NDFIP1: variants seen among roughly 807,000 people sequenced by gnomAD.
NDFIP1 encodes Nedd4 family interacting protein 1.
Under a neutral mutation model 28.8 loss-of-function variants are expected in NDFIP1, and 7 were observed. The ratio of observed to expected loss-of-function variants is 0.24; its 90% confidence interval spans 0.14 to 0.46. The LOEUF is 0.46. Among genes scored for constraint, NDFIP1 ranks in the 20% least tolerant of loss-of-function variants. NDFIP1 has a pLI of 0.99. For missense variants in NDFIP1, 194 were observed against 269.1 expected (o/e 0.72, Z 1.95); for synonymous variants, 92 against 101.0 (o/e 0.91, Z 0.53).
chr5:142,119,565 T>C (rs915113308), intron 1 of NDFIP1, among the ~76,000 whole-genome samples: 1 of 152,240 alleles, frequency 6.6e-6, no homozygotes, highest in Admixed American at 6.5e-5. Flanking sequence ...GATTCTTTCT[T>C]TGTGCTATCA....
At chr5:142,128,267 G>A (rs1010157358) in intron 1 of NDFIP1, among the ~76,000 whole-genome samples, 4 of 152,138 alleles carry the variant, frequency 2.6e-5, no homozygotes, top group Admixed American at 2.0e-4. Context: ...TGACAATGCC[G>A]CGTATTCTTT....
intron 7 of NDFIP1, among the ~76,000 whole-genome samples, chr5:142,150,293 T>C (rs910721222): frequency 6.6e-6 from 1 of 151,952 alleles, no homozygotes; most frequent in Non-Finnish European, 1.5e-5. Flanking sequence ...GCCAATTTTC[T>C]TTTTTGCTTC....
intron 1 of NDFIP1, among the ~76,000 whole-genome samples, chr5:142,121,936 G>C (rs1334734632): frequency 6.6e-6 from 1 of 152,172 alleles, no homozygotes; most frequent in African/African-American, 2.4e-5. Flanking sequence ...GTAAGTGCTG[G>C]GGTGAACGCA....
At chr5:142,124,719 G>A (rs1757153171) in intron 1 of NDFIP1, among the ~76,000 whole-genome samples, 1 of 152,132 alleles carries the variant, frequency 6.6e-6, no homozygotes, top group Non-Finnish European at 1.5e-5. Flanking sequence ...GCTATTGAGA[G>A]GATTTTCATT....
intron 1 of NDFIP1, among the ~76,000 whole-genome samples, chr5:142,127,075 G>GTACCAT: frequency 2.0e-5 from 3 of 152,102 alleles, no homozygotes; most frequent in Admixed American, 1.3e-4. Context: ...AAGTGCAGTG[G>GTACCAT]CTTGATCTCA....
At position 142,152,825 on chromosome 5, in the gene NDFIP1, G is replaced by A. The variant is rs1170458946; in HGVS notation, c.*1097G>A. ...ATTTCTTGGCTTGCATTTGTTGATT[G>A]CTAAGGCAATTTTTTCTAATCTTAG... On this transcript the variant is annotated 3_prime_UTR_variant, in exon 8 of 8. Transcript: ENST00000253814. The A allele has an allele frequency of 6.1e-6, 1 of 163,900 alleles. No homozygotes were observed. The highest frequency in any genetic ancestry group is 2.4e-5 in the African/African-American group (1 of 41,474). The allele number at this position is 163,900 out of a possible 1,614,324, so 10.2% of individuals were successfully genotyped here. A position where few individuals can be genotyped will look rare whatever the true frequency, so the allele number is the denominator to read the frequency against.
At position 142,135,718 on chromosome 5, in the gene NDFIP1, C is replaced by G. The variant is rs563530694; in HGVS notation, c.283-12C>G. 6.2e-7 allele frequency: 1 copy of G among 1,609,238 alleles called. No homozygotes were observed. Among genetic ancestry groups the G allele is most frequent in the East Asian group, 2.2e-5 (1 of 44,794 alleles). ...CCTTTGCCTAGAAATAATTCTTTTT[C>G]TTTTCATTTAGGATGAGGATTTTGT... On this transcript the variant is annotated splice_polypyrimidine_tract_variant and intron_variant, in intron 3 of 7. Transcript: ENST00000253814.
At chr5:142,121,909 T>C (rs777860004) in intron 1 of NDFIP1, among the ~76,000 whole-genome samples, 2 of 152,224 alleles carry the variant, frequency 1.3e-5, no homozygotes, top group African/African-American at 2.4e-5. Context: ...AATGTATCCA[T>C]GCTGTGCCAC....
chr5:142,111,153 C>T (rs1757010707), intron 1 of NDFIP1, among the ~76,000 whole-genome samples: 1 of 151,644 alleles, frequency 6.6e-6, no homozygotes, highest in Non-Finnish European at 1.5e-5. Context: ...CTTGCACATA[C>T]TTTTGCACGT....
At chr5:142,111,690 A>T (rs145218176) in intron 1 of NDFIP1, among the ~76,000 whole-genome samples, 1 of 152,238 alleles carries the variant, frequency 6.6e-6, no homozygotes, top group African/African-American at 2.4e-5. Flanking sequence ...ATAAATGCAA[A>T]CACAGTTTTG....
chr5:142,145,894 A>G (rs1757383634), intron 7 of NDFIP1, among the ~76,000 whole-genome samples: 1 of 152,198 alleles, frequency 6.6e-6, no homozygotes, highest in Admixed American at 6.5e-5. Context: ...GCAATCATAT[A>G]CTAATCGTGA....
At position 142,108,862 on chromosome 5, in the gene NDFIP1, G is replaced by C; in HGVS notation, c.-113G>C. 1.1e-6 allele frequency: 1 copy of C among 933,996 alleles called. No individual in the cohort carries two copies. Among genetic ancestry groups the C allele is most frequent in the Non-Finnish European group, 1.4e-6 (1 of 696,298 alleles). The allele number at this position is 933,996 out of a possible 1,614,324, so 57.9% of individuals were successfully genotyped here. ...TCGCCCGGGAGCGGCGGCGGCCATC[G>C]AGACCCACCCAAGGCGCGTCCCCCT... On this transcript the variant is annotated 5_prime_UTR_variant, in exon 1 of 8. Coordinates refer to ENST00000253814, the MANE Select transcript of NDFIP1 (RefSeq NM_030571.4).
Position 142,132,276 on chromosome 5 carries a change from A to T in NDFIP1, c.216A>T (p.Thr72=). The T allele has an allele frequency of 6.2e-7, 1 of 1,614,160 alleles. No individual in the cohort carries two copies. The highest frequency in any genetic ancestry group is 8.5e-7 in the Non-Finnish European group (1 of 1,179,990). ...PKPPSYNVAT[T]LPSYDEAERT... ...CCCCATCTTACAATGTAGCTACAAC[A>T]CTGCCCAGTTATGATGAAGCGGAGA... The change falls in exon 3 of 8, where the codon ACA becomes ACT. Residue 72 remains threonine, a synonymous_variant. Coordinates refer to ENST00000253814, the MANE Select transcript of NDFIP1 (RefSeq NM_030571.4).
At position 142,141,403 on chromosome 5, in the gene NDFIP1, C is replaced by G. The variant is rs182330719; in HGVS notation, c.562+774C>G. Reference sequence around the variant, plus strand: ...GTGTTGGCCAGGATGGTCTCGATCTCCTGACTTTGTGATCCGCCCGCCTCG... The same window carrying G: ...GTGTTGGCCAGGATGGTCTCGATCTGCTGACTTTGTGATCCGCCCGCCTCG... On this transcript the variant is annotated intron_variant, in intron 6 of 7. Transcript: ENST00000253814. 9.8e-3 allele frequency among the ~76,000 whole-genome samples: 1,496 copies of G among 151,916 alleles called. 24 individuals are homozygous for G. The highest frequency in any genetic ancestry group is 0.035 in the African/African-American group (1,430 of 41,436).
chr5:142,140,009 G>T (rs571623305), intron 5 of NDFIP1, among the ~76,000 whole-genome samples: 40 of 152,174 alleles, frequency 2.6e-4, no homozygotes, highest in African/African-American at 8.9e-4. Context: ...AGTTAATAAA[G>T]CTAAAAGCTG....
intron 6 of NDFIP1, 88 bp from the exon 7 acceptor site, chr5:142,144,483 A>G (rs1410115045): frequency 2.2e-6 from 2 of 909,700 alleles, no homozygotes; most frequent in Admixed American, 2.2e-5. Flanking sequence ...AAAAATAACA[A>G]TGTATCGCTA....
At chr5:142,123,192 A>T (rs1757137741) in intron 1 of NDFIP1, among the ~76,000 whole-genome samples, 1 of 152,096 alleles carries the variant, frequency 6.6e-6, no homozygotes, top group African/African-American at 2.4e-5. Flanking sequence ...CAAACTCCTG[A>T]TCTCAAGTGA....
Position 142,153,043 on chromosome 5 carries a change from A to G in NDFIP1, c.*1315A>G, listed in dbSNP as rs1757464080. 1 of 340,918 alleles carries G rather than the reference A, an allele frequency of 2.9e-6. No homozygotes were observed. The highest frequency in any genetic ancestry group is 4.0e-5 in the Admixed American group (1 of 24,898). The allele number at this position is 340,918 out of a possible 1,614,324, so 21.1% of individuals were successfully genotyped here. A position where few individuals can be genotyped will look rare whatever the true frequency, so the allele number is the denominator to read the frequency against. ...GATCTTAAATCATTCTGGAATTCCTAATTATGCTTCAATTTTTAGACATAA... is the reference window on the plus strand; with the variant it reads ...GATCTTAAATCATTCTGGAATTCCTGATTATGCTTCAATTTTTAGACATAA... On this transcript the variant is annotated 3_prime_UTR_variant, in exon 8 of 8. Coordinates refer to ENST00000253814, the MANE Select transcript of NDFIP1 (RefSeq NM_030571.4).
chr5:142,119,930 TTGA>T (rs1757105879), intron 1 of NDFIP1, among the ~76,000 whole-genome samples: 1 of 152,246 alleles, frequency 6.6e-6, no homozygotes, highest in Non-Finnish European at 1.5e-5. Context: ...GAATTCAGTG[TTGA>T]TTTAGCTACT....
Sources: gnomAD v4.1 joint callset for allele counts (sites outside exome capture counted in the v4.1 genomes callset) on GRCh38, gnomAD v4.1.1 for gene constraint, MANE v1.5 for transcripts, NCBI Gene and HGNC (gene_info 2026-07-23, HGNC 2026-07-21) for gene names.